Variants in CPLANE1 observed in about 807,000 individuals in gnomAD.
The protein encoded by CPLANE1 is ciliogenesis and planar polarity effector complex subunit 1, also known as ciliogenesis and planar polarity effector 1.
CPLANE1 carries 263 observed loss-of-function variants against 362.5 expected under a neutral mutation model. The ratio of observed to expected loss-of-function variants is 0.73; its 90% confidence interval spans 0.66 to 0.80. The LOEUF (loss-of-function observed/expected upper bound fraction) is 0.80, where lower values mean the gene tolerates loss of function less well. Among genes scored for constraint, CPLANE1 ranks in the 30% least tolerant of loss-of-function variants. The probability of loss-of-function intolerance (pLI) is 0.00; values close to 1 mark genes in which losing one functional copy is unlikely to be tolerated. For missense variants in CPLANE1, 3,461 were observed against 3,793.4 expected (o/e 0.91, Z 2.30); for synonymous variants, 1,212 against 1,302.6 (o/e 0.93, Z 1.50).
At chr5:37,220,159 G>C (rs1206727034) in intron 15 of CPLANE1, among the ~76,000 whole-genome samples, 1 of 151,776 alleles carries the variant, frequency 6.6e-6, no homozygotes, top group African/African-American at 2.4e-5. Context: ...GGCTGAGGTG[G>C]AAGGATGGCT....
At position 37,139,327 on chromosome 5, in the gene CPLANE1, TTAAGA is replaced by T. The variant is rs763664569; in HGVS notation, c.8663+8_8663+12del. 1.3e-5 allele frequency: 18 copies of T among 1,336,886 alleles called. No individual in the cohort carries two copies. Among genetic ancestry groups the T allele is most frequent in the Admixed American group, 2.5e-5 (1 of 39,470 alleles). The allele number at this position is 1,336,886 out of a possible 1,614,324, so 82.8% of individuals were successfully genotyped here. On this transcript the variant is annotated splice_region_variant and intron_variant, in intron 45 of 52. Transcript: ENST00000651892. ...TTTAAAGAAAATTGTGAATTAACTC[TTAAGA>T]TATTTACCTCTCACACAATTCATCA...
chr5:37,170,464 G>T, intron 32 of CPLANE1, 133 bp from the exon 33 acceptor site: 4 of 962,624 alleles, frequency 4.2e-6, no homozygotes, highest in Non-Finnish European at 5.9e-6. Context: ...TGAATGCTGA[G>T]CAGGAGGCAG....
chr5:37,246,819 A>T (rs1739831429), intron 2 of CPLANE1, among the ~76,000 whole-genome samples: 1 of 152,166 alleles, frequency 6.6e-6, no homozygotes, highest in Middle Eastern at 3.2e-3. Flanking sequence ...GAGGCAAGAC[A>T]ATCGCTTGAA....
chr5:37,224,340 A>G lies in CPLANE1; in HGVS notation c.2501-7T>C, dbSNP rs1315683149. 15 of 1,532,028 alleles carry G rather than the reference A, an allele frequency of 9.8e-6. No individual in the cohort carries two copies. The highest frequency in any genetic ancestry group is 8.1e-5 in the Admixed American group (4 of 49,328). 94.9% of individuals were successfully genotyped at this position (1,532,028 alleles called of 1,614,324 possible). A position where few individuals can be genotyped will look rare whatever the true frequency, so the allele number is the denominator to read the frequency against. On this transcript the variant is annotated splice_polypyrimidine_tract_variant and splice_region_variant and intron_variant, in intron 13 of 52. Coordinates refer to ENST00000651892, the MANE Select transcript of CPLANE1 (RefSeq NM_001384732.1). ...AATAAAAAACATTCTTCCCCTAGAA[A>G]GTTTTTAACCAACAATTAGTCATAG... is the stretch of plus-strand genomic sequence containing the variant.
chr5:37,238,960 C>A lies in CPLANE1; in HGVS notation c.835G>T (p.Ala279Ser). 7.0e-7 allele frequency: 1 copy of A among 1,427,600 alleles called. No homozygotes were observed. The highest frequency in any genetic ancestry group is 9.3e-7 in the Non-Finnish European group (1 of 1,073,454). 88.4% of individuals were successfully genotyped at this position (1,427,600 alleles called of 1,614,324 possible). A position where few individuals can be genotyped will look rare whatever the true frequency, so the allele number is the denominator to read the frequency against. Residue 279 changes from alanine to serine, a missense_variant and splice_region_variant, in exon 8 of 53, where the codon GCA becomes TCA. Around this residue, in one of 2 missense-constraint regions of CPLANE1, gnomAD observed 3,380 missense variants for 3,666.1 expected, o/e 0.92. Coordinates refer to ENST00000651892, the MANE Select transcript of CPLANE1 (RefSeq NM_001384732.1). ...AVTLNQKDPK[A>S]TQVLFINTLN... ...GTGTTTATAAATAATACCTGAGTTGCCTAGAAAGGAAAAAAAAGACAAGAA... is the reference window on the plus strand; with the variant it reads ...GTGTTTATAAATAATACCTGAGTTGACTAGAAAGGAAAAAAAAGACAAGAA...
rs1796489777 is a variant in CPLANE1 at position 37,226,445 on chromosome 5, C to T, written c.2150G>A (p.Ser717Asn). The T allele has an allele frequency of 1.3e-6, 2 of 1,551,202 alleles. No individual in the cohort carries two copies. Among genetic ancestry groups the T allele is most frequent in the South Asian group, 1.2e-5 (1 of 83,998 alleles). ...CAATGAGTCTTGAGCTGTTATTTTA[C>T]TTCCATCAGCTGATGCTGAAATAAC... ...PEVISASADG[S>N]KITAQDSLVV... The change falls in exon 12 of 53, where the codon AGT becomes AAT. Residue 717 changes from serine to asparagine, a missense_variant. By Grantham distance (46) the Ser-to-Asn change is conservative. Coordinates refer to ENST00000651892, the MANE Select transcript of CPLANE1 (RefSeq NM_001384732.1).
At position 37,224,679 on chromosome 5, in the gene CPLANE1, G is replaced by A. The variant is rs863225163; in HGVS notation, c.2353C>T (p.Arg785Ter). The A allele has an allele frequency of 1.1e-5, 17 of 1,551,478 alleles. No individual in the cohort carries two copies. In the South Asian group the frequency reaches 1.2e-4, roughly 11 times the overall value. The change falls in exon 13 of 53, where the codon CGA (arginine) becomes TGA (stop). Residue 785 changes from arginine to a stop codon, truncating the protein, a stop_gained. Coordinates refer to ENST00000651892, the MANE Select transcript of CPLANE1 (RefSeq NM_001384732.1). LOFTEE classifies it high-confidence loss of function. ...KTLWYQAQLN[R>*]RVPEADSQLT... The stretch of plus-strand genomic sequence containing the variant: ...TGACTATCAGCTTCAGGAACTCTTC[G>A]ATTTAATTGTGCTTGATACCATAAA...
chr5:37,166,683 T>G (rs756987453), intron 35 of CPLANE1, among the ~76,000 whole-genome samples: 1 of 152,162 alleles, frequency 6.6e-6, no homozygotes, highest in African/African-American at 2.4e-5. Context: ...GTTTCAGGTA[T>G]CCACTGAAGG....
the CPLANE1 span, among the ~76,000 whole-genome samples, chr5:37,094,198 A>G: frequency 6.6e-6 from 1 of 152,308 alleles, no homozygotes; most frequent in Admixed American, 6.5e-5. Context: ...CAGATTGACA[A>G]GCATAATATC....
At chr5:37,101,387 T>C (rs766800688), downstream of CPLANE1, among the ~76,000 whole-genome samples, 1 of 152,234 alleles carries the variant, frequency 6.6e-6, no homozygotes, top group Admixed American at 6.5e-5. Context: ...ATTCTGTTTA[T>C]GTGATGAATT....
At chr5:37,131,397 A>G (rs1765743283) in intron 46 of CPLANE1, among the ~76,000 whole-genome samples, 1 of 152,272 alleles carries the variant, frequency 6.6e-6, no homozygotes, top group South Asian at 2.1e-4. Context: ...CCCTTCACTT[A>G]TAAATACAAG....
chr5:37,177,946 GTA>G, intron 29 of CPLANE1, among the ~76,000 whole-genome samples: 1 of 152,142 alleles, frequency 6.6e-6, no homozygotes, highest in South Asian at 2.1e-4. Flanking sequence ...GATTGTGTCA[GTA>G]GACTAACACA....
intron 25 of CPLANE1, among the ~76,000 whole-genome samples, chr5:37,184,251 C>G (rs1032486304): frequency 1.3e-5 from 2 of 152,086 alleles, no homozygotes; most frequent in Non-Finnish European, 2.9e-5. Flanking sequence ...TGCCCAACAA[C>G]AATTCCTTTT....
chr5:37,140,234 C>T, intron 44 of CPLANE1: 1 of 911,226 alleles, frequency 1.1e-6, no homozygotes, highest in Non-Finnish European at 1.3e-6. Context: ...TCTGACATCT[C>T]TTCTCAAAAA....
intron 51 of CPLANE1, among the ~76,000 whole-genome samples, chr5:37,113,430 T>C (rs1464811870): frequency 6.6e-6 from 1 of 152,226 alleles, no homozygotes; most frequent in African/African-American, 2.4e-5. Context: ...TGTGAGTCCA[T>C]TAAACTTCTT....
At chr5:37,159,806 G>A (rs1776365488) in intron 38 of CPLANE1, among the ~76,000 whole-genome samples, 1 of 152,030 alleles carries the variant, frequency 6.6e-6, no homozygotes, top group Admixed American at 6.6e-5. Context: ...GACTAGCTTT[G>A]GCATAATGCA....
At chr5:37,243,735 TAATA>T (rs1218418024) in intron 5 of CPLANE1, among the ~76,000 whole-genome samples, 3 of 146,270 alleles carry the variant, frequency 2.1e-5, no homozygotes, top group African/African-American at 2.5e-5. Flanking sequence ...GTATTATATA[TAATA>T]TATAATATGC....
downstream of CPLANE1, among the ~76,000 whole-genome samples, chr5:37,103,229 C>T (rs1252600103): frequency 6.6e-6 from 1 of 151,808 alleles, no homozygotes; most frequent in Non-Finnish European, 1.5e-5. Context: ...TTCCATTTTT[C>T]CTCCCTCCCT....
At chr5:37,108,258 A>T (rs1758102142) in intron 52 of CPLANE1, 35 bp downstream of exon 52, 1 of 1,573,580 alleles carries the variant, frequency 6.4e-7, no homozygotes, top group South Asian at 1.1e-5. Context: ...ACATAGAGCA[A>T]TCACTAGACA....
Sources: gnomAD v4.1 joint callset for allele counts (sites outside exome capture counted in the v4.1 genomes callset) on GRCh38, gnomAD v4.1.1 for gene constraint, gnomAD v4.1.1 regional missense constraint, MANE v1.5 for transcripts, NCBI Gene and HGNC (gene_info 2026-07-23, HGNC 2026-07-21) for gene names.